Variants in ZBTB20 observed in about 807,000 individuals in gnomAD.
The protein encoded by ZBTB20 is zinc finger and BTB domain-containing protein 20.
ZBTB20 carries 9 observed loss-of-function variants against 56.9 expected under a neutral mutation model. The ratio of observed to expected loss-of-function variants is 0.16; its 90% CI spans 0.10 to 0.28. The LOEUF is 0.28. Ranked by LOEUF, ZBTB20 falls within the 10% of genes least tolerant of loss-of-function variation. The pLI is 1.00. For missense variants in ZBTB20, 655 were observed against 1,003.0 expected (o/e 0.65, Z 4.69); for synonymous variants, 417 against 420.7 (o/e 0.99, Z 0.11).
chr3:114,345,847 C>T (rs1441502962), intron 11 of ZBTB20, among the ~76,000 whole-genome samples: 4 of 152,212 alleles, frequency 2.6e-5, no homozygotes, highest in Admixed American at 2.0e-4. Context: ...TATTCTCTGT[C>T]TTTCCCTTTC....
chr3:114,456,197 G>A (rs2092002935), intron 7 of ZBTB20, among the ~76,000 whole-genome samples: 2 of 149,422 alleles, frequency 1.3e-5, no homozygotes, highest in African/African-American at 4.9e-5. Context: ...GTGTGTTTAT[G>A]TATATATATA....
At chr3:114,443,957 A>G (rs1018066553) in intron 7 of ZBTB20, among the ~76,000 whole-genome samples, 2 of 152,238 alleles carry the variant, frequency 1.3e-5, no homozygotes, top group Admixed American at 1.3e-4. Flanking sequence ...ATATAAAATG[A>G]AATATGGCAA....
Position 114,783,773 on chromosome 3 carries a change from C to T in ZBTB20, c.-343+17328G>A, listed in dbSNP as rs1458081687. 5.5e-5 allele frequency among the ~76,000 whole-genome samples: 7 copies of T among 127,342 alleles called. 1 individual carries two copies. Among genetic ancestry groups the T allele is most frequent in the South Asian group, 5.3e-4 (2 of 3,788 alleles). 83.5% of individuals were successfully genotyped at this position (127,342 alleles called of 152,430 possible). ...GCGCCACTGCACTCCAGCCTGGTGA[C>T]GGAGCAAGACTCTGCCTCAAAAAAA... On this transcript the variant is annotated intron_variant, in intron 5 of 11. Transcript: ENST00000675478.
chr3:114,905,214 TA>T (rs1166209562), intron 3 of ZBTB20, among the ~76,000 whole-genome samples: 1 of 151,920 alleles, frequency 6.6e-6, no homozygotes, highest in Non-Finnish European at 1.5e-5. Flanking sequence ...AGAGCTAATT[TA>T]AAAATGTATT....
chr3:114,737,646 T>G (rs531735474), intron 5 of ZBTB20, among the ~76,000 whole-genome samples: 14 of 152,316 alleles, frequency 9.2e-5, no homozygotes, highest in Admixed American at 3.9e-4. Flanking sequence ...GAATTTTTGT[T>G]TCCAAATGGA....
intron 7 of ZBTB20, among the ~76,000 whole-genome samples, chr3:114,438,952 CAACTCTCAA>C (rs2108944800): frequency 1.3e-5 from 2 of 152,200 alleles, no homozygotes; most frequent in South Asian, 4.1e-4. Flanking sequence ...GCACATACCA[CAACTCTCAA>C]AACTCTCAGT....
chr3:114,757,504 C>A (rs900563398), intron 5 of ZBTB20, among the ~76,000 whole-genome samples: 6 of 151,990 alleles, frequency 3.9e-5, no homozygotes, highest in African/African-American at 1.4e-4. Context: ...ATAAAGCAGG[C>A]AGATGGTTAA....
intron 6 of ZBTB20, among the ~76,000 whole-genome samples, chr3:114,654,480 A>G (rs907057270): frequency 4.0e-5 from 6 of 151,806 alleles, no homozygotes; most frequent in Admixed American, 2.6e-4. Context: ...AACAAGAAGC[A>G]TATTTTGTAG....
At chr3:114,462,490 AT>A (rs1559822559) in intron 7 of ZBTB20, among the ~76,000 whole-genome samples, 1 of 152,168 alleles carries the variant, frequency 6.6e-6, no homozygotes, top group African/African-American at 2.4e-5. Flanking sequence ...TTTTTTATCA[AT>A]TTCCAATGAC....
At chr3:114,353,992 C>A (rs9871676) in intron 10 of ZBTB20, among the ~76,000 whole-genome samples, 87,656 of 151,966 alleles carry the variant, frequency 0.58, 25,615 homozygotes, top group East Asian at 0.88. Flanking sequence ...TTACTGAGGT[C>A]TGGCCCTTAG....
At chr3:114,822,395 TA>T (rs2073304365) in intron 4 of ZBTB20, among the ~76,000 whole-genome samples, 4 of 27,350 alleles carry the variant, frequency 1.5e-4, no homozygotes, top group African/African-American at 1.7e-4. Flanking sequence ...ATTAGGTCAT[TA>T]AAAAAACACT....
chr3:115,101,332 T>TCTGATAC (rs2083575667), intron 1 of ZBTB20, among the ~76,000 whole-genome samples: 1 of 152,224 alleles, frequency 6.6e-6, no homozygotes, highest in Non-Finnish European at 1.5e-5. Context: ...TTTTTCTTTG[T>TCTGATAC]CTGATACTTC....
Position 114,679,375 on chromosome 3 carries a change from C to T in ZBTB20, c.-295+14153G>A, listed in dbSNP as rs114444023. On this transcript the variant is annotated intron_variant, in intron 6 of 11. Coordinates refer to ENST00000675478, the MANE Select transcript of ZBTB20 (RefSeq NM_001348800.3). ...CTACAAAATGGGAGAAAATGTTTGC[C>T]ATCTATCCATGTGACAAAGGGCTAA... 5.4e-3 allele frequency among the ~76,000 whole-genome samples: 828 copies of T among 152,068 alleles called. 10 individuals are homozygous for T. The highest frequency in any genetic ancestry group is 0.019 in the African/African-American group (779 of 41,486).
chr3:114,970,536 T>C (rs1264224744), intron 3 of ZBTB20, among the ~76,000 whole-genome samples: 2 of 152,174 alleles, frequency 1.3e-5, no homozygotes, highest in Non-Finnish European at 2.9e-5. Context: ...ATGAAAACAT[T>C]TTATTCAATT....
At chr3:115,111,732 A>G (rs943249589) in intron 1 of ZBTB20, among the ~76,000 whole-genome samples, 1 of 152,230 alleles carries the variant, frequency 6.6e-6, no homozygotes, top group Non-Finnish European at 1.5e-5. Context: ...ATAAGTGTAT[A>G]GAAATAAATA....
At chr3:114,546,942 T>C (rs1467282205) in intron 6 of ZBTB20, among the ~76,000 whole-genome samples, 1 of 152,054 alleles carries the variant, frequency 6.6e-6, no homozygotes, top group African/African-American at 2.4e-5. Context: ...GGCATGGAAA[T>C]GGGAACTGGA....
At position 114,335,008 on chromosome 3, in the gene ZBTB20, A is replaced by G. The variant is rs2079401520; in HGVS notation, c.*3997T>C. ...ATTTGGGGGCCTTTTTTGTACAAAT[A>G]TTGGCATGTAATAAGGAAAAATTGC... On this transcript the variant is annotated 3_prime_UTR_variant, in exon 12 of 12. Coordinates refer to ENST00000675478, the MANE Select transcript of ZBTB20 (RefSeq NM_001348800.3). 6.6e-6 allele frequency: 1 copy of G among 152,092 alleles called. No individual in the cohort carries two copies. Among genetic ancestry groups the G allele is most frequent in the African/African-American group, 2.4e-5 (1 of 41,404 alleles). 9.4% of individuals were successfully genotyped at this position (152,092 alleles called of 1,614,324 possible). A position where few individuals can be genotyped will look rare whatever the true frequency, so the allele number is the denominator to read the frequency against.
intron 7 of ZBTB20, among the ~76,000 whole-genome samples, chr3:114,489,490 G>C (rs951413121): frequency 2.6e-5 from 4 of 152,090 alleles, no homozygotes; most frequent in African/African-American, 9.7e-5. Context: ...TATTTATAAA[G>C]AGTTTTTAAT....
intron 7 of ZBTB20, among the ~76,000 whole-genome samples, chr3:114,491,069 C>G (rs1340317542): frequency 2.0e-5 from 3 of 152,172 alleles, no homozygotes; most frequent in Non-Finnish European, 4.4e-5. Context: ...ATTTTCTGTA[C>G]CAAACACAGT....
Sources: allele counts gnomAD v4.1 joint callset (sites outside exome capture counted in the v4.1 genomes callset), GRCh38; gene constraint gnomAD v4.1.1; transcripts MANE v1.5; gene names NCBI Gene and HGNC (gene_info 2026-07-23, HGNC 2026-07-21).